Variants in LDLRAD4 observed in about 807,000 individuals in gnomAD.
LDLRAD4 encodes the protein low-density lipoprotein receptor class A domain-containing protein 4.
Under a neutral mutation model 17.0 loss-of-function variants are expected in LDLRAD4, and 5 were observed. The ratio of observed to expected loss-of-function variants is 0.29; its 90% CI spans 0.15 to 0.62. The LOEUF (loss-of-function observed/expected upper bound fraction) is 0.62. LDLRAD4 is among the 20% of genes least tolerant of loss of function. The pLI is 0.84. For missense variants in LDLRAD4, 340 were observed against 424.7 expected (o/e 0.80, Z 1.75); for synonymous variants, 168 against 171.8 (o/e 0.98, Z 0.17).
chr18:13,219,421 C>G (rs2041325538), intron 1 of LDLRAD4, among the ~76,000 whole-genome samples: 2 of 152,180 alleles, frequency 1.3e-5, no homozygotes, highest in South Asian at 4.1e-4. Flanking sequence ...TTGGTCTATT[C>G]CCTTCTCTTT....
At chr18:13,278,411 A>G (rs2045027863) in intron 1 of LDLRAD4, 1 of 152,304 alleles carries the variant, frequency 6.6e-6, no homozygotes, top group African/African-American at 2.4e-5. Flanking sequence ...TTTCAGAGCC[A>G]GCCCTGGTGG....
intron 3 of LDLRAD4, among the ~76,000 whole-genome samples, chr18:13,458,652 C>T (rs1300073065): frequency 6.6e-6 from 1 of 152,182 alleles, no homozygotes; most frequent in African/African-American, 2.4e-5. Context: ...GCAAAAGGGA[C>T]TTTACAGATA....
chr18:13,282,615 G>A (rs1343522955), intron 1 of LDLRAD4, among the ~76,000 whole-genome samples: 1 of 152,164 alleles, frequency 6.6e-6, no homozygotes. Flanking sequence ...TGTGGCCTTG[G>A]GCAGCTCCAC....
chr18:13,452,478 A>G (rs924608991), intron 3 of LDLRAD4, among the ~76,000 whole-genome samples: 2 of 152,124 alleles, frequency 1.3e-5, no homozygotes, highest in African/African-American at 4.8e-5. Context: ...CTGCGAGGGT[A>G]GGATCGAGCC....
intron 3 of LDLRAD4, among the ~76,000 whole-genome samples, chr18:13,530,446 T>C (rs1324767621): frequency 6.6e-6 from 1 of 152,224 alleles, no homozygotes; most frequent in African/African-American, 2.4e-5. Flanking sequence ...GGGAGCAGCA[T>C]GATTCTAGCA....
At chr18:13,588,736 A>T (rs1275601818) in intron 3 of LDLRAD4, among the ~76,000 whole-genome samples, 1 of 152,124 alleles carries the variant, frequency 6.6e-6, no homozygotes, top group East Asian at 1.9e-4. Context: ...TGCTGTCGAC[A>T]CAATCCACTC....
At chr18:13,571,272 C>T (rs954270399) in intron 3 of LDLRAD4, among the ~76,000 whole-genome samples, 3 of 152,212 alleles carry the variant, frequency 2.0e-5, no homozygotes, top group Admixed American at 6.5e-5. Flanking sequence ...AGCTCTGACT[C>T]AGCCACTGTG....
intron 3 of LDLRAD4, chr18:13,613,941 C>T (rs186142668): frequency 6.6e-6 from 1 of 152,366 alleles, no homozygotes; most frequent in East Asian, 1.9e-4. Context: ...TATAAACAGG[C>T]AGCTCAGAGT....
intron 3 of LDLRAD4, among the ~76,000 whole-genome samples, chr18:13,541,077 C>T (rs2094275674): frequency 6.6e-6 from 1 of 152,152 alleles, no homozygotes; most frequent in Non-Finnish European, 1.5e-5. Context: ...CTGTGGCAAC[C>T]CTCAGAGGCC....
intron 2 of LDLRAD4, among the ~76,000 whole-genome samples, chr18:13,389,102 G>A (rs972161956): frequency 6.6e-6 from 1 of 152,112 alleles, no homozygotes; most frequent in South Asian, 2.1e-4. Flanking sequence ...GTAGACGAAG[G>A]GTTGGGGGAG....
intron 2 of LDLRAD4, chr18:13,426,076 G>A (rs947466634): frequency 2.6e-5 from 4 of 152,716 alleles, no homozygotes; most frequent in African/African-American, 7.2e-5. Flanking sequence ...CTGCACAGGT[G>A]AAACCGGCTC....
intron 3 of LDLRAD4, among the ~76,000 whole-genome samples, chr18:13,576,437 A>AAAAAAAAG (rs1555750703): frequency 4.8e-5 from 4 of 83,590 alleles, no homozygotes; most frequent in African/African-American, 1.2e-4. Flanking sequence ...AAAAAAAAAA[A>AAAAAAAAG]AAAGAAAGAA....
At chr18:13,465,880 C>G (rs538887091) in intron 3 of LDLRAD4, among the ~76,000 whole-genome samples, 4 of 152,134 alleles carry the variant, frequency 2.6e-5, no homozygotes, top group Non-Finnish European at 5.9e-5. Flanking sequence ...ATCTCAGCCT[C>G]TTCATACTCT....
chr18:13,405,761 A>G (rs1025519172), intron 2 of LDLRAD4, among the ~76,000 whole-genome samples: 5 of 151,960 alleles, frequency 3.3e-5, no homozygotes, highest in Admixed American at 3.3e-4. Flanking sequence ...CGTTTTCACC[A>G]TTGGAATTGG....
At chr18:13,507,201 A>G (rs2093707707) in intron 3 of LDLRAD4, among the ~76,000 whole-genome samples, 1 of 152,018 alleles carries the variant, frequency 6.6e-6, no homozygotes, top group Admixed American at 6.6e-5. Context: ...TTTTTGGGGA[A>G]CAGGTGGTTT....
chr18:13,280,804 C>A (rs549391978), intron 1 of LDLRAD4, among the ~76,000 whole-genome samples: 1 of 152,194 alleles, frequency 6.6e-6, no homozygotes, highest in Non-Finnish European at 1.5e-5. Context: ...CCGGTGCAGA[C>A]CAGGGACCAT....
intron 3 of LDLRAD4, chr18:13,489,763 G>C (rs2093320727): frequency 6.6e-6 from 1 of 152,096 alleles, no homozygotes; most frequent in African/African-American, 2.4e-5. Flanking sequence ...CAGTGTGTGG[G>C]GCACAGTTAC....
rs938175103 is a variant in LDLRAD4, at chr18:13,436,509, T to C, written c.41-1735T>C. Among the ~76,000 whole-genome samples, 5 of 152,356 alleles carry C rather than the reference T, an allele frequency of 3.3e-5. No individual in the cohort carries two copies. In the East Asian group the frequency reaches 9.6e-4, roughly 29 times the overall value. ...GAGTTTGATTCAATTCAGATTAGTA[T>C]TCCTTTTTCCCAATCACTGTTTTAG... On this transcript the variant is annotated intron_variant, in intron 2 of 5. Transcript: ENST00000359446.
At chr18:13,600,356 TG>T (rs2095146831) in intron 3 of LDLRAD4, among the ~76,000 whole-genome samples, 2 of 152,184 alleles carry the variant, frequency 1.3e-5, no homozygotes, top group South Asian at 4.1e-4. Context: ...TGCAAGACAT[TG>T]ATTTGGTCCT....
Sources: allele counts gnomAD v4.1 joint callset (sites outside exome capture counted in the v4.1 genomes callset), GRCh38; gene constraint gnomAD v4.1.1; transcripts MANE v1.5; gene names NCBI Gene and HGNC (gene_info 2026-07-23, HGNC 2026-07-21).